Variants in THSD7B observed in about 807,000 individuals in gnomAD.
THSD7B encodes the protein thrombospondin type 1 domain containing 7B.
Under a neutral mutation model 213.6 loss-of-function variants are expected in THSD7B, and 138 were observed. The observed-to-expected ratio is 0.65, with a 90% CI of 0.56 to 0.74. The LOEUF (loss-of-function observed/expected upper bound fraction) is 0.74. THSD7B is among the 30% of genes least tolerant of loss of function. The probability of loss-of-function intolerance (pLI) is 0.00; values close to 1 mark genes in which losing one functional copy is unlikely to be tolerated. For missense variants in THSD7B, 1,931 were observed against 1,991.5 expected (o/e 0.97, Z 0.58); for synonymous variants, 742 against 687.0 (o/e 1.08, Z -1.25).
intron 1 of THSD7B, among the ~76,000 whole-genome samples, chr2:136,806,198 T>G (rs2104926224): frequency 6.6e-6 from 1 of 152,348 alleles, no homozygotes; most frequent in South Asian, 2.1e-4. Context: ...TTTTATCTTT[T>G]TCAGCCCATG....
At chr2:137,320,219 T>C (rs1356125904) in intron 12 of THSD7B, among the ~76,000 whole-genome samples, 1 of 152,234 alleles carries the variant, frequency 6.6e-6, no homozygotes, top group Non-Finnish European at 1.5e-5. Flanking sequence ...ATATGATCTC[T>C]TACATGTGCA....
At chr2:137,320,496 TTTATAAAGCC>T (rs1343563639) in intron 12 of THSD7B, among the ~76,000 whole-genome samples, 14 of 152,240 alleles carry the variant, frequency 9.2e-5, no homozygotes, top group Non-Finnish European at 1.6e-4. Context: ...CAATTTGTCC[TTTATAAAGCC>T]TTATTAACTT....
chr2:136,832,285 T>C (rs73957570), intron 1 of THSD7B, among the ~76,000 whole-genome samples: 6,555 of 151,934 alleles, frequency 0.043, 477 homozygotes, highest in African/African-American at 0.15. Context: ...TGATATGCCA[T>C]CTGCAAGCTG....
intron 21 of THSD7B, among the ~76,000 whole-genome samples, chr2:137,648,381 C>A (rs1015898958): frequency 7.0e-6 from 1 of 142,826 alleles, no homozygotes; most frequent in African/African-American, 2.7e-5. Flanking sequence ...ATCTCCCCCC[C>A]TCACCCCTAC....
intron 12 of THSD7B, among the ~76,000 whole-genome samples, chr2:137,368,379 A>C (rs900035013): frequency 1.3e-5 from 2 of 151,928 alleles, no homozygotes; most frequent in Non-Finnish European, 2.9e-5. Flanking sequence ...AAAAAGTGTT[A>C]ATCATTATCT....
chr2:137,301,604 T>C (rs1193854753), intron 12 of THSD7B, among the ~76,000 whole-genome samples: 1 of 151,666 alleles, frequency 6.6e-6, no homozygotes, highest in African/African-American at 2.4e-5. Context: ...ATATTTTATT[T>C]AAAATATTAA....
intron 2 of THSD7B, among the ~76,000 whole-genome samples, chr2:136,942,619 A>T (rs1321074223): frequency 6.6e-6 from 1 of 152,100 alleles, no homozygotes; most frequent in Non-Finnish European, 1.5e-5. Context: ...GCAATTGTGA[A>T]TGGGAGTTGA....
intron 9 of THSD7B, among the ~76,000 whole-genome samples, chr2:137,236,229 GAGA>G (rs1260367132): frequency 2.6e-5 from 4 of 152,182 alleles, no homozygotes; most frequent in African/African-American, 9.6e-5. Flanking sequence ...TCAGAAAACA[GAGA>G]AGGACGCATG....
intron 14 of THSD7B, among the ~76,000 whole-genome samples, chr2:137,419,575 TTG>T (rs1472595091): frequency 6.6e-6 from 1 of 151,422 alleles, no homozygotes; most frequent in African/African-American, 2.4e-5. Context: ...TGTGTACTGA[TTG>T]GTTTGAGTAT....
chr2:137,021,768 C>T (rs1226456677), intron 2 of THSD7B, among the ~76,000 whole-genome samples: 2 of 152,202 alleles, frequency 1.3e-5, no homozygotes, highest in Non-Finnish European at 2.9e-5. Flanking sequence ...TGACTCCTGG[C>T]AACCACTAAT....
intron 27 of THSD7B, among the ~76,000 whole-genome samples, chr2:137,668,561 C>T (rs1208020393): frequency 6.6e-6 from 1 of 151,800 alleles, no homozygotes; most frequent in Non-Finnish European, 1.5e-5. Flanking sequence ...CTCTTGAAAC[C>T]AGACAGAAGT....
intron 17 of THSD7B, among the ~76,000 whole-genome samples, chr2:137,578,462 C>G (rs762744364): frequency 4.6e-5 from 7 of 152,286 alleles, no homozygotes; most frequent in Non-Finnish European, 7.3e-5. Context: ...ACAGTGATAC[C>G]TCTTCAAGCT....
At chr2:137,536,428 GT>G (rs1246023736) in intron 15 of THSD7B, among the ~76,000 whole-genome samples, 1 of 151,520 alleles carries the variant, frequency 6.6e-6, no homozygotes, top group Non-Finnish European at 1.5e-5. Context: ...TGAAAATGGT[GT>G]TGGCCCAGGG....
At chr2:137,448,836 C>CAACAACAACAACAAA (rs765115799) in intron 14 of THSD7B, among the ~76,000 whole-genome samples, 11 of 147,600 alleles carry the variant, frequency 7.5e-5, no homozygotes, top group African/African-American at 2.8e-4. Flanking sequence ...ACAACAACAA[C>CAACAACAACAACAAA]AAAAACTACC....
intron 2 of THSD7B, among the ~76,000 whole-genome samples, chr2:137,054,781 A>G (rs1329587909): frequency 6.7e-6 from 1 of 149,134 alleles, no homozygotes; most frequent in Non-Finnish European, 1.5e-5. Flanking sequence ...TTTTTTTTTT[A>G]ATTTTAAGTT....
At chr2:137,116,435 T>C (rs1025166112) in intron 5 of THSD7B, among the ~76,000 whole-genome samples, 1 of 152,230 alleles carries the variant, frequency 6.6e-6, no homozygotes, top group African/African-American at 2.4e-5. Context: ...ATTAAAAGGC[T>C]CCAGGTTAGT....
intron 15 of THSD7B, among the ~76,000 whole-genome samples, chr2:137,514,132 G>A (rs1016471452): frequency 6.6e-6 from 1 of 152,108 alleles, no homozygotes; most frequent in African/African-American, 2.4e-5. Flanking sequence ...GACAGTATAT[G>A]TGATATGGTT....
intron 13 of THSD7B, among the ~76,000 whole-genome samples, chr2:137,411,282 A>G (rs923812298): frequency 6.6e-6 from 1 of 152,216 alleles, no homozygotes; most frequent in African/African-American, 2.4e-5. Flanking sequence ...GGACAGGGTT[A>G]TCAGTATGTT....
intron 13 of THSD7B, among the ~76,000 whole-genome samples, chr2:137,408,191 A>C (rs937058912): frequency 1.3e-5 from 2 of 152,166 alleles, no homozygotes; most frequent in African/African-American, 4.8e-5. Context: ...ATTAAGAAGG[A>C]TATCATAAAC....
Sources: allele counts gnomAD v4.1 joint callset (sites outside exome capture counted in the v4.1 genomes callset), GRCh38; gene constraint gnomAD v4.1.1; transcripts MANE v1.5; gene names NCBI Gene and HGNC (gene_info 2026-07-23, HGNC 2026-07-21).